Variants in RILPL1 observed in about 807,000 individuals in gnomAD.
The protein encoded by RILPL1 is Rab interacting lysosomal protein like 1.
A neutral mutation model predicts 50.3 loss-of-function variants in RILPL1; 33 were observed. That is an observed-to-expected ratio of 0.66 (90% CI 0.50 to 0.88). The LOEUF is 0.88. Ranked by LOEUF, RILPL1 falls within the 40% of genes least tolerant of loss-of-function variation. The probability of loss-of-function intolerance (pLI) is 0.00; values close to 1 mark genes in which losing one functional copy is unlikely to be tolerated. For synonymous variants in RILPL1, 205 were observed against 228.6 expected, an observed-to-expected ratio of 0.90 and a Z score of 0.93; for missense variants, 418 against 542.5, an observed-to-expected ratio of 0.77 and a Z score of 2.28.
chr12:123,495,619 C>A (rs113491507), intron 4 of RILPL1, among the ~76,000 whole-genome samples: 10,909 of 150,386 alleles, frequency 0.073, 1,255 homozygotes, highest in African/African-American at 0.24. Flanking sequence ...TGTGATCCGC[C>A]TGCCTTGGCC....
At chr12:123,509,178 A>C (rs1883935543) in intron 2 of RILPL1, among the ~76,000 whole-genome samples, 1 of 152,008 alleles carries the variant, frequency 6.6e-6, no homozygotes, top group African/African-American at 2.4e-5. Context: ...AATAGCCAAG[A>C]AGTGGAAGCA....
At chr12:123,526,032 G>A (rs546770810) in intron 1 of RILPL1, among the ~76,000 whole-genome samples, 12 of 152,308 alleles carry the variant, frequency 7.9e-5, no homozygotes, top group African/African-American at 2.6e-4. Context: ...AGGGCCAGGC[G>A]CAGTGGCTCA....
intron 6 of RILPL1, among the ~76,000 whole-genome samples, chr12:123,476,310 G>A (rs373876393): frequency 1.5e-5 from 2 of 135,376 alleles, no homozygotes; most frequent in Non-Finnish European, 3.2e-5. Context: ...GCGTGGTGGC[G>A]CATGCCTGTA....
chr12:123,492,916 T>C (rs903141489), intron 4 of RILPL1, among the ~76,000 whole-genome samples: 3 of 152,164 alleles, frequency 2.0e-5, no homozygotes, highest in African/African-American at 4.8e-5. Flanking sequence ...CCACAGGGAC[T>C]TCTGCCTAGG....
At chr12:123,479,745 C>T (rs1407459348) in intron 6 of RILPL1, among the ~76,000 whole-genome samples, 3 of 152,228 alleles carry the variant, frequency 2.0e-5, no homozygotes, top group African/African-American at 4.8e-5. Context: ...GTTCTGGTCT[C>T]GCTCTCTCGT....
intron 2 of RILPL1, among the ~76,000 whole-genome samples, chr12:123,523,116 AC>A (rs1199073814): frequency 3.3e-5 from 5 of 152,154 alleles, no homozygotes; most frequent in Non-Finnish European, 7.4e-5. Flanking sequence ...CTCCCAGAGC[AC>A]GGCCGCCCCC....
chr12:123,474,360 CT>C lies in RILPL1; in HGVS notation c.1068-1679del, dbSNP rs1336598890. ...CCTTCTGTTGTCACCAAGTTCTACTCTTTTTTTTTGAGACGGAGTCTCGCTC... is the reference window on the plus strand; with the variant it reads ...CCTTCTGTTGTCACCAAGTTCTACTCTTTTTTTTGAGACGGAGTCTCGCTC... On this transcript the variant is annotated intron_variant, in intron 6 of 6. Coordinates refer to ENST00000376874, the MANE Select transcript of RILPL1 (RefSeq NM_178314.5). 3.3e-5 allele frequency: 5 copies of C among 151,562 alleles called. No individual in the cohort carries two copies. The South Asian group carries it at 6.2e-4, about 19-fold the overall frequency. The allele number at this position is 151,562 out of a possible 1,614,324, so 9.4% of individuals were successfully genotyped here. A position where few individuals can be genotyped will look rare whatever the true frequency, so the allele number is the denominator to read the frequency against.
intron 2 of RILPL1, among the ~76,000 whole-genome samples, chr12:123,500,556 A>C (rs979527436): frequency 2.0e-5 from 3 of 147,496 alleles, no homozygotes; most frequent in African/African-American, 7.5e-5. Context: ...AAGTGCTGGG[A>C]TTACAGGCGT....
At chr12:123,512,670 G>A (rs1884414702) in intron 2 of RILPL1, among the ~76,000 whole-genome samples, 1 of 145,186 alleles carries the variant, frequency 6.9e-6, no homozygotes, top group African/African-American at 2.6e-5. Context: ...CTGTGTGTGT[G>A]TGAGGTCTGT....
intron 2 of RILPL1, among the ~76,000 whole-genome samples, chr12:123,510,768 G>T (rs1402458949): frequency 1.1e-5 from 1 of 90,772 alleles, no homozygotes. Flanking sequence ...GTGAATGTGG[G>T]GTCTGTGTGT....
At chr12:123,495,295 C>A (rs1408677498) in intron 4 of RILPL1, among the ~76,000 whole-genome samples, 2 of 152,114 alleles carry the variant, frequency 1.3e-5, no homozygotes, top group Non-Finnish European at 2.9e-5. Flanking sequence ...CTCATGAACA[C>A]CTGGAGCCAG....
chr12:123,533,339 C>T lies in RILPL1; in HGVS notation c.144G>A (p.Glu48=), dbSNP rs1410906670. The change falls in exon 1 of 7, where the codon GAG becomes GAA. Residue 48 remains glutamate, a synonymous_variant. Coordinates refer to ENST00000376874, the MANE Select transcript of RILPL1 (RefSeq NM_178314.5). This position sits in a 1 kb window ranked among gnomAD's most constrained non-coding sequence, Gnocchi z 6.2. The part of the protein sequence containing the change: ...FERVIDQHGC[E]AIARLMPKVV... ...CCTTGGGCATGAGGCGCGCGATGGC[C>T]TCGCAGCCGTGCTGGTCAATGACCC... 2 of 1,581,806 alleles carry T rather than the reference C, an allele frequency of 1.3e-6. No homozygotes were observed. The highest frequency in any genetic ancestry group is 1.3e-5 in the African/African-American group (1 of 74,178).
rs1881143173 is a variant in RILPL1 at position 123,470,572 on chromosome 12, T to TC, written c.*1965dup. The TC allele has an allele frequency of 6.6e-6, 1 of 151,650 alleles. No individual in the cohort carries two copies. The highest frequency in any genetic ancestry group is 1.5e-5 in the Non-Finnish European group (1 of 68,050). 9.4% of individuals were successfully genotyped at this position (151,650 alleles called of 1,614,324 possible). On this transcript the variant is annotated 3_prime_UTR_variant, in exon 7 of 7. Transcript: ENST00000376874. The stretch of plus-strand genomic sequence containing the variant: ...AGGTGAATCACTTGAGGTCAGGAGT[T>TC]CGAGACCTCGAGACCAGCCTGGCCA...
chr12:123,476,928 G>A (rs916275002), intron 6 of RILPL1, among the ~76,000 whole-genome samples: 3 of 152,218 alleles, frequency 2.0e-5, no homozygotes, highest in African/African-American at 7.2e-5. Context: ...GTGGGAGGTG[G>A]TGGTGATGCC....
chr12:123,515,104 A>C (rs1261990360), intron 2 of RILPL1, among the ~76,000 whole-genome samples: 1 of 150,554 alleles, frequency 6.6e-6, no homozygotes, highest in Non-Finnish European at 1.5e-5. Context: ...CTAATTTAAA[A>C]ATTTTTTTGT....
chr12:123,516,010 G>A (rs1436168576), intron 2 of RILPL1, among the ~76,000 whole-genome samples: 1 of 134,030 alleles, frequency 7.5e-6, no homozygotes, highest in Non-Finnish European at 1.6e-5. Context: ...CTCCAGCCTG[G>A]GCCACAGAGC....
intron 2 of RILPL1, among the ~76,000 whole-genome samples, chr12:123,515,877 A>G (rs1884661268): frequency 1.3e-5 from 2 of 151,586 alleles, no homozygotes; most frequent in South Asian, 2.1e-4. Flanking sequence ...TCTACTAAAA[A>G]TACAAAATTA....
chr12:123,518,892 G>A (rs924232569), intron 2 of RILPL1, among the ~76,000 whole-genome samples: 1 of 151,466 alleles, frequency 6.6e-6, no homozygotes, highest in Admixed American at 6.6e-5. Flanking sequence ...TCCCGTCTCC[G>A]CTAAAAATAC....
At chr12:123,508,348 TG>T (rs1883885541) in intron 2 of RILPL1, among the ~76,000 whole-genome samples, 1 of 151,892 alleles carries the variant, frequency 6.6e-6, no homozygotes, top group Non-Finnish European at 1.5e-5. Flanking sequence ...GAGCTATGAT[TG>T]TGCCACTGCT....
Sources: gnomAD v4.1 joint callset for allele counts (sites outside exome capture counted in the v4.1 genomes callset) on GRCh38, gnomAD v4.1.1 for gene constraint, Gnocchi (gnomAD v3.1) non-coding constraint, MANE v1.5 for transcripts, NCBI Gene and HGNC (gene_info 2026-07-23, HGNC 2026-07-21) for gene names.